SCN9A: variants seen among roughly 807,000 people sequenced by gnomAD.
The protein encoded by SCN9A is sodium voltage-gated channel alpha subunit 9.
SCN9A carries 131 observed loss-of-function variants against 187.0 expected under a neutral mutation model. The ratio of observed to expected loss-of-function variants is 0.70; its 90% CI spans 0.61 to 0.81. The LOEUF (loss-of-function observed/expected upper bound fraction) is 0.81, where lower values mean the gene tolerates loss of function less well. SCN9A is among the 30% of genes least tolerant of loss of function. The pLI, the probability that SCN9A is intolerant of heterozygous loss-of-function variation, is 0.00. For synonymous variants in SCN9A, 809 were observed against 808.6 expected (o/e 1.00, Z -0.01); for missense variants, 2,252 against 2,396.6 (o/e 0.94, Z 1.26).
intron 1 of SCN9A, among the ~76,000 whole-genome samples, chr2:166,334,860 T>C (rs1699590557): frequency 6.6e-6 from 1 of 152,166 alleles, no homozygotes; most frequent in Non-Finnish European, 1.5e-5. Context: ...ATATACAAAG[T>C]GGAAGACAAC....
chr2:166,268,684 G>A (rs1696846621), intron 17 of SCN9A, among the ~76,000 whole-genome samples: 1 of 151,874 alleles, frequency 6.6e-6, no homozygotes, highest in Admixed American at 6.6e-5. Context: ...TAGATGTAAG[G>A]TTTTTATAGT....
rs1384827015 is a variant in SCN9A, at chr2:166,199,464, T to C, written c.5175A>G (p.Ser1725=). Residue 1725 remains serine (S), a synonymous_variant, in exon 27 of 27, where the codon TCA becomes TCG. Transcript: ENST00000642356. The part of the protein sequence containing the change: ...CDPKKVHPGS[S]VEGDCGNPSV... Reference sequence around the variant, plus strand: ...ATGGGTTACCACAGTCTCCTTCAACTGAACTTCCAGGATGAACTTTTTTTG... The same window carrying C: ...ATGGGTTACCACAGTCTCCTTCAACCGAACTTCCAGGATGAACTTTTTTTG... The C allele has an allele frequency of 6.2e-7, 1 of 1,614,212 alleles. No individual in the cohort carries two copies.
chr2:166,201,284 A>G (rs975235085), intron 26 of SCN9A, among the ~76,000 whole-genome samples: 1 of 148,106 alleles, frequency 6.8e-6, no homozygotes, highest in Non-Finnish European at 1.5e-5. Flanking sequence ...TACTATACAT[A>G]TACATATACA....
intron 1 of SCN9A, among the ~76,000 whole-genome samples, chr2:166,354,799 T>G (rs756457749): frequency 1.3e-5 from 2 of 152,176 alleles, no homozygotes; most frequent in Non-Finnish European, 2.9e-5. Context: ...AAGACACATT[T>G]ATTTGCAGAA....
At chr2:166,300,326 T>C (rs1698499119) in intron 7 of SCN9A, among the ~76,000 whole-genome samples, 1 of 150,732 alleles carries the variant, frequency 6.6e-6, no homozygotes, top group African/African-American at 2.5e-5. Flanking sequence ...CCTTTGCCCA[T>C]GCTATTTCTC....
chr2:166,261,017 CTT>C (rs774197238), intron 17 of SCN9A, among the ~76,000 whole-genome samples: 4 of 151,342 alleles, frequency 2.6e-5, no homozygotes, highest in Admixed American at 6.6e-5. Context: ...TAAAAATTAA[CTT>C]TTGTTTTTTG....
chr2:166,251,913 G>C (rs1429906501), intron 17 of SCN9A, 28 bp from the exon 18 acceptor site: 7 of 1,610,152 alleles, frequency 4.3e-6, no homozygotes. Context: ...ACCCCACCAG[G>C]TAGTTCATTT....
rs901155232 is a variant in SCN9A at position 166,196,867 on chromosome 2, G to A, written c.*1805C>T. 3 of 152,004 alleles carry A rather than the reference G, an allele frequency of 2.0e-5. No individual in the cohort carries two copies. The highest frequency in any genetic ancestry group is 4.4e-5 in the Non-Finnish European group (3 of 67,938). 9.4% of individuals were successfully genotyped at this position (152,004 alleles called of 1,614,324 possible). A position where few individuals can be genotyped will look rare whatever the true frequency, so the allele number is the denominator to read the frequency against. On this transcript the variant is annotated 3_prime_UTR_variant, in exon 27 of 27. Coordinates refer to ENST00000642356, the MANE Select transcript of SCN9A (RefSeq NM_001365536.1). Reference sequence around the variant, plus strand: ...TTTAGCCCTAGATTGAGTTTTATACGTAGATTAGGACAAATGTCTCAAAGT... The same window carrying A: ...TTTAGCCCTAGATTGAGTTTTATACATAGATTAGGACAAATGTCTCAAAGT...
intron 19 of SCN9A, 146 bp downstream of exon 19, chr2:166,242,356 C>G: frequency 1.6e-6 from 1 of 631,462 alleles, no homozygotes; most frequent in South Asian, 2.9e-5. Flanking sequence ...TAACTATTTA[C>G]TGAGCTCAAG....
At chr2:166,252,991 G>A (rs1414946902) in intron 17 of SCN9A, among the ~76,000 whole-genome samples, 1 of 151,800 alleles carries the variant, frequency 6.6e-6, no homozygotes, top group Non-Finnish European at 1.5e-5. Flanking sequence ...CTTTTTTAGA[G>A]TAGTTCAAGC....
At chr2:166,305,445 A>G (rs1395641678) in intron 5 of SCN9A, among the ~76,000 whole-genome samples, 3 of 152,204 alleles carry the variant, frequency 2.0e-5, no homozygotes, top group Non-Finnish European at 4.4e-5. Flanking sequence ...CTTGTATTTA[A>G]AGGCCTGAGT....
intron 19 of SCN9A, among the ~76,000 whole-genome samples, chr2:166,238,550 C>T (rs528854585): frequency 6.6e-6 from 1 of 152,296 alleles, no homozygotes; most frequent in African/African-American, 2.4e-5. Context: ...ATCATTTCCA[C>T]CTCCATCTGA....
At chr2:166,248,085 T>A (rs1695873827) in intron 18 of SCN9A, 1 of 152,120 alleles carries the variant, frequency 6.6e-6, no homozygotes, top group African/African-American at 2.4e-5. Context: ...AATCAACAAA[T>A]GTGAGACTAT....
In SCN9A at chr2:166,272,493, G is replaced by A. The variant is rs200358681; in HGVS notation, c.3257C>T (p.Thr1086Ile). 5 of 1,613,076 alleles carry A rather than the reference G, an allele frequency of 3.1e-6. No individual in the cohort carries two copies. The highest frequency in any genetic ancestry group is 4.2e-6 in the Non-Finnish European group (5 of 1,179,568). Reference protein sequence around the residue: ...GQSFIHNPSLTVTVPIAPGES... With the variant: ...GQSFIHNPSLIVTVPIAPGES... ...CCCAGGTGCAATTGGCACTGTCACT[G>A]TGAGGCTGGGATTGTGAATAAATGA... Residue 1086 changes from threonine to isoleucine, a missense_variant, in exon 17 of 27, where the codon ACA becomes ATA. Physicochemically the swap from Thr to Ile is moderately conservative, Grantham distance 89. Transcript: ENST00000642356.
At chr2:166,299,760 T>C (rs1393208592) in intron 7 of SCN9A, among the ~76,000 whole-genome samples, 1 of 150,950 alleles carries the variant, frequency 6.6e-6, no homozygotes, top group Non-Finnish European at 1.5e-5. Flanking sequence ...CTGATTTCTA[T>C]ACTTAAATCT....
chr2:166,207,325 T>G (rs1179347725), intron 24 of SCN9A, among the ~76,000 whole-genome samples: 1 of 152,156 alleles, frequency 6.6e-6, no homozygotes, highest in Non-Finnish European at 1.5e-5. Flanking sequence ...TACTTATTTT[T>G]TTAATTGTTT....
intron 1 of SCN9A, among the ~76,000 whole-genome samples, chr2:166,339,810 G>T (rs1699719025): frequency 6.6e-6 from 1 of 152,118 alleles, no homozygotes; most frequent in African/African-American, 2.4e-5. Context: ...AAATAAAATA[G>T]ATGAGAACCT....
At chr2:166,371,377 G>T (rs1700558630) in intron 1 of SCN9A, among the ~76,000 whole-genome samples, 6 of 152,066 alleles carry the variant, frequency 3.9e-5, no homozygotes, top group Admixed American at 3.9e-4. Flanking sequence ...TCATGGCCTG[G>T]CATTTTTCCT....
rs1418505454 is a variant in SCN9A, at chr2:166,228,387, G to A, written c.4206+304C>T. ...TTCTCCTGCCTCAGCCTCCCAAGCA[G>A]CTAGGATTACAGGCGCCTGCCACCA... On this transcript the variant is annotated intron_variant, in intron 22 of 26. Transcript: ENST00000642356. Among the ~76,000 whole-genome samples the A allele has an allele frequency of 8.0e-5, 12 of 150,414 alleles. No individual in the cohort carries two copies. The South Asian group carries it at 1.3e-3, about 16-fold the overall frequency.
Sources: allele counts gnomAD v4.1 joint callset (sites outside exome capture counted in the v4.1 genomes callset), GRCh38; gene constraint gnomAD v4.1.1; transcripts MANE v1.5; gene names NCBI Gene and HGNC (gene_info 2026-07-23, HGNC 2026-07-21).